Variants in ZMAT4 observed in about 807,000 individuals in gnomAD.
ZMAT4 encodes the protein zinc finger matrin-type 4.
Under a neutral mutation model 28.7 loss-of-function variants are expected in ZMAT4, and 17 were observed. That is an observed-to-expected ratio of 0.59 (90% confidence interval 0.41 to 0.89). ZMAT4 has a LOEUF of 0.89. Among genes scored for constraint, ZMAT4 ranks in the 40% least tolerant of loss-of-function variants. The pLI is 0.00. For missense variants in ZMAT4, 240 were observed against 283.8 expected (o/e 0.85, Z 1.11); for synonymous variants, 117 against 109.2 (o/e 1.07, Z -0.44).
intron 6 of ZMAT4, among the ~76,000 whole-genome samples, chr8:40,549,764 T>C (rs528861439): frequency 1.2e-4 from 18 of 152,190 alleles, no homozygotes; most frequent in Admixed American, 2.6e-4. Context: ...ACTAATTGAG[T>C]CCTTCCCTAC....
intron 5 of ZMAT4, among the ~76,000 whole-genome samples, chr8:40,645,168 T>C (rs1460462861): frequency 1.3e-5 from 2 of 152,204 alleles, no homozygotes; most frequent in Non-Finnish European, 1.5e-5. Flanking sequence ...AAATGTGAGA[T>C]GTTAATAACA....
chr8:40,860,537 G>A (rs1258262917), intron 1 of ZMAT4, among the ~76,000 whole-genome samples: 1 of 152,146 alleles, frequency 6.6e-6, no homozygotes, highest in East Asian at 1.9e-4. Flanking sequence ...ATGAAGCTCT[G>A]TGAAGAGCCA....
At chr8:40,893,232 G>A (rs191112295) in intron 1 of ZMAT4, among the ~76,000 whole-genome samples, 67 of 152,214 alleles carry the variant, frequency 4.4e-4, no homozygotes, top group African/African-American at 1.3e-3. Context: ...TGAAAGCATC[G>A]CTGATCACCA....
intron 5 of ZMAT4, among the ~76,000 whole-genome samples, chr8:40,639,401 A>T (rs1806921362): frequency 6.6e-6 from 1 of 151,990 alleles, no homozygotes; most frequent in Non-Finnish European, 1.5e-5. Flanking sequence ...CAACATCGGG[A>T]TCTCCAGCTA....
chr8:40,657,401 T>C (rs1807974866), intron 5 of ZMAT4, among the ~76,000 whole-genome samples: 1 of 152,178 alleles, frequency 6.6e-6, no homozygotes, highest in Non-Finnish European at 1.5e-5. Context: ...GATTTAAAAA[T>C]GTCATTATTA....
chr8:40,756,462 A>T (rs1270732339), intron 3 of ZMAT4, among the ~76,000 whole-genome samples: 5 of 137,036 alleles, frequency 3.6e-5, no homozygotes, highest in African/African-American at 1.4e-4. Flanking sequence ...ATATATACAC[A>T]CTTGTATACC....
chr8:40,643,205 G>A (rs1807129603), intron 5 of ZMAT4, among the ~76,000 whole-genome samples: 1 of 152,120 alleles, frequency 6.6e-6, no homozygotes, highest in Admixed American at 6.6e-5. Context: ...CAGTCGAGAA[G>A]CTTTCATCTG....
chr8:40,769,659 A>G (rs1586023179), intron 2 of ZMAT4, among the ~76,000 whole-genome samples: 1 of 152,282 alleles, frequency 6.6e-6, no homozygotes, highest in East Asian at 1.9e-4. Context: ...TTTCAATTTT[A>G]CATTTGTTAC....
chr8:40,787,612 C>G (rs1814140071), intron 2 of ZMAT4, among the ~76,000 whole-genome samples: 1 of 152,194 alleles, frequency 6.6e-6, no homozygotes, highest in Admixed American at 6.5e-5. Context: ...TTGCCAGCAA[C>G]ACTACTTTTG....
chr8:40,667,141 T>A (rs1050434715), intron 5 of ZMAT4, among the ~76,000 whole-genome samples: 4 of 151,924 alleles, frequency 2.6e-5, no homozygotes, highest in Admixed American at 2.0e-4. Context: ...AATTTCTTTT[T>A]TTTTTATTTT....
At chr8:40,654,849 A>G (rs938859361) in intron 5 of ZMAT4, among the ~76,000 whole-genome samples, 6 of 152,148 alleles carry the variant, frequency 3.9e-5, no homozygotes, top group Non-Finnish European at 5.9e-5. Flanking sequence ...ATCATACTTC[A>G]TAGTGATAAT....
chr8:40,834,421 C>T (rs981428705), intron 1 of ZMAT4, among the ~76,000 whole-genome samples: 1 of 152,168 alleles, frequency 6.6e-6, no homozygotes, highest in Non-Finnish European at 1.5e-5. Flanking sequence ...CAGATTTTCA[C>T]TGTAAATTCT....
chr8:40,693,516 C>A (rs978902844), intron 4 of ZMAT4, among the ~76,000 whole-genome samples: 1 of 152,154 alleles, frequency 6.6e-6, no homozygotes, highest in African/African-American at 2.4e-5. Context: ...CACCCTAGCA[C>A]CCGTTGTGAG....
intron 2 of ZMAT4, among the ~76,000 whole-genome samples, chr8:40,770,330 C>A (rs1299476960): frequency 6.6e-6 from 1 of 152,028 alleles, no homozygotes; most frequent in Non-Finnish European, 1.5e-5. Flanking sequence ...TCCCAATTGG[C>A]CTGACTCAAA....
chr8:40,785,859 C>G (rs1044229291), intron 2 of ZMAT4, among the ~76,000 whole-genome samples: 9 of 152,158 alleles, frequency 5.9e-5, no homozygotes, highest in African/African-American at 2.2e-4. Flanking sequence ...TTCAAATAAG[C>G]CTGGCCCACT....
At chr8:40,643,064 G>A (rs1332013163) in intron 5 of ZMAT4, among the ~76,000 whole-genome samples, 2 of 152,190 alleles carry the variant, frequency 1.3e-5, no homozygotes, top group African/African-American at 4.8e-5. Context: ...GTTCTATTCT[G>A]AGCTATGAGG....
chr8:40,701,205 C>T (rs921478493), intron 3 of ZMAT4, among the ~76,000 whole-genome samples: 8 of 152,096 alleles, frequency 5.3e-5, no homozygotes, highest in African/African-American at 9.7e-5. Flanking sequence ...TTTCTGCTCT[C>T]CTGAGCAATC....
At chr8:40,535,275 G>A (rs1802810763) in intron 6 of ZMAT4, among the ~76,000 whole-genome samples, 1 of 152,138 alleles carries the variant, frequency 6.6e-6, no homozygotes, top group Non-Finnish European at 1.5e-5. Context: ...TCCACCACTA[G>A]TCTTTCCCCT....
rs139922800 is a variant in ZMAT4, at chr8:40,592,720, T to C, written c.578-11459A>G. Among the ~76,000 whole-genome samples the C allele has an allele frequency of 3.3e-5, 5 of 152,288 alleles. No individual in the cohort carries two copies. The East Asian group carries it at 9.7e-4, about 30-fold the overall frequency. ...TGTCACCCTACAGTGAAGATTCAGA[T>C]GGGACACAGTAGATCATTCTAAATA... On this transcript the variant is annotated intron_variant, in intron 5 of 6. Coordinates refer to ENST00000297737, the MANE Select transcript of ZMAT4 (RefSeq NM_024645.3).
Sources: allele counts gnomAD v4.1 joint callset (sites outside exome capture counted in the v4.1 genomes callset), GRCh38; gene constraint gnomAD v4.1.1; transcripts MANE v1.5; gene names NCBI Gene and HGNC (gene_info 2026-07-23, HGNC 2026-07-21).